Variants in FBXL4 observed in about 807,000 individuals in gnomAD.
FBXL4 encodes the protein F-box/LRR-repeat protein 4.
FBXL4 carries 40 observed loss-of-function variants against 58.9 expected under a neutral mutation model. That is an observed-to-expected ratio of 0.68 (90% CI 0.53 to 0.88). The LOEUF (loss-of-function observed/expected upper bound fraction) is 0.88. FBXL4 is among the 40% of genes least tolerant of loss of function. The probability of loss-of-function intolerance (pLI) is 0.00; values close to 1 mark genes in which losing one functional copy is unlikely to be tolerated. For missense variants in FBXL4, 676 were observed against 734.4 expected (o/e 0.92, Z 0.92); for synonymous variants, 263 against 265.5 (o/e 0.99, Z 0.09).
At position 98,920,819 on chromosome 6, in the gene FBXL4, T is replaced by TACACACAC. The variant is rs10633715; in HGVS notation, c.513-3108_513-3101dup. 9.5e-3 allele frequency among the ~76,000 whole-genome samples: 1,379 copies of TACACACAC among 144,914 alleles called. 24 individuals are homozygous for TACACACAC. Among genetic ancestry groups the TACACACAC allele is most frequent in the African/African-American group, 0.028 (1,117 of 39,858 alleles). On this transcript the variant is annotated intron_variant, in intron 4 of 9. Transcript: ENST00000369244. ...ACATGTACATATGGGTACACACACA[T>TACACACAC]ACACACACACACACACACACACACA...
intron 7 of FBXL4, among the ~76,000 whole-genome samples, chr6:98,881,941 T>C (rs1770869499): frequency 6.6e-6 from 1 of 152,062 alleles, no homozygotes; most frequent in Non-Finnish European, 1.5e-5. Context: ...TGTTTTTTTT[T>C]TAATTACAGG....
intron 6 of FBXL4, among the ~76,000 whole-genome samples, chr6:98,903,675 C>T (rs751582446): frequency 8.5e-5 from 13 of 152,074 alleles, no homozygotes; most frequent in African/African-American, 2.7e-4. Context: ...TCTTCTCAAG[C>T]GCCAGAAGCT....
At chr6:98,922,101 T>C (rs1772605363) in intron 4 of FBXL4, among the ~76,000 whole-genome samples, 1 of 152,226 alleles carries the variant, frequency 6.6e-6, no homozygotes, top group African/African-American at 2.4e-5. Flanking sequence ...CTAATTTTTG[T>C]GTTTTTAGTA....
chr6:98,943,780 C>CA lies in FBXL4; in HGVS notation c.-309+4025dup, dbSNP rs547875311. Among the ~76,000 whole-genome samples, 250 of 152,110 alleles carry CA rather than the reference C, an allele frequency of 1.6e-3. 2 individuals are homozygous for CA. Among genetic ancestry groups the CA allele is most frequent in the African/African-American group, 5.5e-3 (229 of 41,498 alleles). The stretch of plus-strand genomic sequence containing the variant: ...ACCTATCAGGTACACACAAAACTGA[C>CA]AGAGAGGCAAAAGTCATATAAGACA... On this transcript the variant is annotated intron_variant, in intron 1 of 9. Transcript: ENST00000369244.
At chr6:98,938,989 T>C (rs1773327005) in intron 1 of FBXL4, among the ~76,000 whole-genome samples, 1 of 149,276 alleles carries the variant, frequency 6.7e-6, no homozygotes. Context: ...TTGGGAGGAC[T>C]GTTTCCACCT....
intron 6 of FBXL4, among the ~76,000 whole-genome samples, chr6:98,904,527 A>G (rs1267299648): frequency 2.0e-5 from 3 of 152,202 alleles, no homozygotes; most frequent in Non-Finnish European, 4.4e-5. Context: ...AGTTGAGGAA[A>G]CAAGGCTCCA....
At chr6:98,933,954 G>A (rs1420207072) in intron 2 of FBXL4, among the ~76,000 whole-genome samples, 2 of 152,158 alleles carry the variant, frequency 1.3e-5, no homozygotes, top group Non-Finnish European at 2.9e-5. Context: ...CAATAGGTAA[G>A]AATCAAATGT....
chr6:98,936,278 C>A (rs1389755869), intron 1 of FBXL4, among the ~76,000 whole-genome samples: 3 of 152,174 alleles, frequency 2.0e-5, no homozygotes, highest in Non-Finnish European at 4.4e-5. Flanking sequence ...CAGAATATTA[C>A]CACTAGCCTA....
intron 7 of FBXL4, among the ~76,000 whole-genome samples, chr6:98,893,963 G>A (rs755435860): frequency 3.3e-5 from 5 of 152,036 alleles, no homozygotes; most frequent in African/African-American, 4.8e-5. Context: ...CTGTAGCCTC[G>A]ACCTCCTGGG....
chr6:98,920,819 TACACACACACAC>T (rs10633715), intron 4 of FBXL4, among the ~76,000 whole-genome samples: 10 of 144,844 alleles, frequency 6.9e-5, no homozygotes, highest in East Asian at 2.1e-4. Flanking sequence ...TACACACACA[TACACACACACAC>T]ACACACACAC....
chr6:98,875,055 A>T (rs1253778592), intron 9 of FBXL4, among the ~76,000 whole-genome samples: 1 of 152,120 alleles, frequency 6.6e-6, no homozygotes, highest in East Asian at 1.9e-4. Flanking sequence ...TAAGAAACTT[A>T]AAAAAAACTA....
intron 4 of FBXL4, 111 bp downstream of exon 4, chr6:98,926,366 T>C (rs1450471204): frequency 2.6e-5 from 32 of 1,218,150 alleles, no homozygotes; most frequent in Non-Finnish European, 3.5e-5. Context: ...ATTTTCAAAA[T>C]CAAATTCAAT....
intron 1 of FBXL4, among the ~76,000 whole-genome samples, chr6:98,947,099 C>CGTCA (rs1470500410): frequency 1.3e-5 from 2 of 152,246 alleles, no homozygotes; most frequent in East Asian, 3.8e-4. Flanking sequence ...ACGCAACTAC[C>CGTCA]TGACCACAGG....
At chr6:98,901,331 T>A (rs185752302) in intron 6 of FBXL4, among the ~76,000 whole-genome samples, 1 of 151,840 alleles carries the variant, frequency 6.6e-6, no homozygotes, top group African/African-American at 2.4e-5. Flanking sequence ...CAGGGCAGGA[T>A]AACAAGCAGA....
chr6:98,892,683 C>A (rs1771271756), intron 7 of FBXL4, among the ~76,000 whole-genome samples: 1 of 152,076 alleles, frequency 6.6e-6, no homozygotes, highest in South Asian at 2.1e-4. Context: ...ATATGCTCTG[C>A]CAAATAAACT....
At chr6:98,919,880 T>C (rs1389894275) in intron 4 of FBXL4, among the ~76,000 whole-genome samples, 1 of 152,166 alleles carries the variant, frequency 6.6e-6, no homozygotes. Flanking sequence ...CACCAGACGA[T>C]GCTGGAGGAA....
At chr6:98,880,031 G>A (rs1770796153) in intron 8 of FBXL4, among the ~76,000 whole-genome samples, 1 of 149,672 alleles carries the variant, frequency 6.7e-6, no homozygotes, top group Non-Finnish European at 1.5e-5. Context: ...TCACAGACCA[G>A]TAAAATTTCC....
intron 4 of FBXL4, among the ~76,000 whole-genome samples, chr6:98,920,819 TACACACACAC>T (rs10633715): frequency 2.7e-4 from 39 of 144,928 alleles, no homozygotes; most frequent in South Asian, 8.9e-4. Flanking sequence ...TACACACACA[TACACACACAC>T]ACACACACAC....
chr6:98,906,376 G>A (rs545236143), intron 5 of FBXL4, among the ~76,000 whole-genome samples: 1 of 151,576 alleles, frequency 6.6e-6, no homozygotes, highest in African/African-American at 2.4e-5. Flanking sequence ...CTGTGTCCAG[G>A]TGTTCTCATT....
Sources: allele counts gnomAD v4.1 joint callset (sites outside exome capture counted in the v4.1 genomes callset), GRCh38; gene constraint gnomAD v4.1.1; transcripts MANE v1.5; gene names NCBI Gene and HGNC (gene_info 2026-07-23, HGNC 2026-07-21).